The following COL25A1 variants were observed in gnomAD, a reference collection of about 807,000 sequenced individuals.
COL25A1 encodes collagen type XXV alpha 1 chain, also known as collagen alpha-1(XXV) chain.
In COL25A1, 103 loss-of-function variants were observed where a neutral mutation model predicts 128.4. That is an observed-to-expected ratio of 0.80 (90% confidence interval 0.68 to 0.94). COL25A1 has a LOEUF of 0.94. Ranked by LOEUF, COL25A1 falls within the 40% of genes least tolerant of loss-of-function variation. The probability of loss-of-function intolerance (pLI) is 0.00; values close to 1 mark genes in which losing one functional copy is unlikely to be tolerated. For missense variants in COL25A1, 745 were observed against 840.0 expected (o/e 0.89, Z 1.40); for synonymous variants, 279 against 277.2 (o/e 1.01, Z -0.06).
chr4:109,181,493 A>C (rs1774624969), intron 3 of COL25A1, among the ~76,000 whole-genome samples: 2 of 152,146 alleles, frequency 1.3e-5, no homozygotes, highest in African/African-American at 4.8e-5. Context: ...TATATATTTA[A>C]AAATATTGCT....
At chr4:108,905,898 G>T (rs978000571) in intron 13 of COL25A1, among the ~76,000 whole-genome samples, 1 of 151,946 alleles carries the variant, frequency 6.6e-6, no homozygotes, top group Non-Finnish European at 1.5e-5. Flanking sequence ...GCAAGCTCTG[G>T]CTCGGGACAG....
chr4:109,092,594 C>T (rs1467010386), intron 3 of COL25A1, among the ~76,000 whole-genome samples: 1 of 152,262 alleles, frequency 6.6e-6, no homozygotes, highest in Non-Finnish European at 1.5e-5. Context: ...CCTTCTTACT[C>T]TCTTAGAAGT....
intron 6 of COL25A1, among the ~76,000 whole-genome samples, chr4:108,993,341 G>A (rs1754414594): frequency 6.6e-6 from 1 of 152,126 alleles, no homozygotes. Context: ...GTTCATCCAT[G>A]TTGTTGCAAA....
chr4:109,166,794 T>C (rs191102134), intron 3 of COL25A1, among the ~76,000 whole-genome samples: 2 of 152,326 alleles, frequency 1.3e-5, no homozygotes, highest in Non-Finnish European at 1.5e-5. Context: ...ATGAATCTAA[T>C]ATACAAATTA....
chr4:108,838,045 G>A, intron 31 of COL25A1: 1 of 1,255,240 alleles, frequency 8.0e-7, no homozygotes, highest in Non-Finnish European at 1.1e-6. Context: ...ATCATGTAGG[G>A]TAGAAAGAAA....
At chr4:108,975,454 C>CA (rs1752347942) in intron 6 of COL25A1, among the ~76,000 whole-genome samples, 1 of 152,124 alleles carries the variant, frequency 6.6e-6, no homozygotes, top group African/African-American at 2.4e-5. Flanking sequence ...AGACTGTCTC[C>CA]AAAAACAGTG....
intron 3 of COL25A1, among the ~76,000 whole-genome samples, chr4:109,058,442 G>GA: frequency 6.6e-6 from 1 of 152,020 alleles, no homozygotes; most frequent in East Asian, 1.9e-4. Flanking sequence ...CAAGCTTGCA[G>GA]AAAAATATTT....
At chr4:109,232,375 T>C (rs767437878) in intron 3 of COL25A1, among the ~76,000 whole-genome samples, 3 of 152,158 alleles carry the variant, frequency 2.0e-5, no homozygotes, top group Non-Finnish European at 4.4e-5. Flanking sequence ...AGATATTGAA[T>C]GAGAAAATAC....
At chr4:109,087,194 A>G (rs1042932482) in intron 3 of COL25A1, among the ~76,000 whole-genome samples, 1 of 152,080 alleles carries the variant, frequency 6.6e-6, no homozygotes, top group African/African-American at 2.4e-5. Flanking sequence ...GCCCTCAACA[A>G]TGTGACTGTT....
chr4:109,288,963 AC>A (rs1724174836), intron 3 of COL25A1, among the ~76,000 whole-genome samples: 1 of 5,090 alleles, frequency 2.0e-4, no homozygotes, highest in African/African-American at 3.3e-4. Flanking sequence ...AATTATATAT[AC>A]ACACACACAC....
At chr4:108,991,763 A>T (rs1485015386) in intron 6 of COL25A1, among the ~76,000 whole-genome samples, 1 of 152,174 alleles carries the variant, frequency 6.6e-6, no homozygotes, top group Non-Finnish European at 1.5e-5. Context: ...ATATGATCTG[A>T]AAAAGGCTGG....
At chr4:108,957,456 G>A (rs189116556) in intron 8 of COL25A1, among the ~76,000 whole-genome samples, 2 of 152,248 alleles carry the variant, frequency 1.3e-5, no homozygotes, top group Admixed American at 1.3e-4. Context: ...GAGCTTCAGT[G>A]TTTCTATAAA....
chr4:109,209,047 G>A (rs989118522), intron 3 of COL25A1, among the ~76,000 whole-genome samples: 2 of 152,138 alleles, frequency 1.3e-5, no homozygotes, highest in Non-Finnish European at 2.9e-5. Context: ...GACAAAGAAT[G>A]TTATGTAGGG....
chr4:109,088,440 G>A (rs1579326047), intron 3 of COL25A1, among the ~76,000 whole-genome samples: 1 of 152,302 alleles, frequency 6.6e-6, no homozygotes, highest in East Asian at 1.9e-4. Flanking sequence ...ATTTAGAATT[G>A]TATAAATTTA....
At chr4:108,899,051 C>G in intron 15 of COL25A1, 103 bp downstream of exon 15, 1 of 1,068,226 alleles carries the variant, frequency 9.4e-7, no homozygotes, top group Non-Finnish European at 1.4e-6. Context: ...ACCCACCCAT[C>G]CATCCACCCA....
At chr4:108,845,343 G>T (rs1734963012) in intron 28 of COL25A1, 92 bp from the exon 29 acceptor site, 2 of 973,070 alleles carry the variant, frequency 2.1e-6, no homozygotes, top group South Asian at 1.3e-5. Context: ...TTGTTCTCTT[G>T]ACATTTTATA....
intron 31 of COL25A1, among the ~76,000 whole-genome samples, chr4:108,833,696 G>T (rs997397852): frequency 1.3e-5 from 2 of 152,130 alleles, no homozygotes; most frequent in African/African-American, 4.8e-5. Flanking sequence ...AGAATTCAGA[G>T]TTTTAAATTC....
chr4:108,889,636 GT>G, intron 17 of COL25A1, 64 bp downstream of exon 17: 1 of 1,399,678 alleles, frequency 7.1e-7, no homozygotes, highest in South Asian at 1.2e-5. Flanking sequence ...GGGAGAGAAA[GT>G]AGAGGCCTAT....
intron 3 of COL25A1, among the ~76,000 whole-genome samples, chr4:109,196,117 G>A (rs1027021102): frequency 2.6e-5 from 4 of 152,156 alleles, no homozygotes; most frequent in South Asian, 2.1e-4. Context: ...TTCTCTGTGC[G>A]CTGTACACAA....
Sources: gnomAD v4.1 joint callset for allele counts (sites outside exome capture counted in the v4.1 genomes callset) on GRCh38, gnomAD v4.1.1 for gene constraint, MANE v1.5 for transcripts, NCBI Gene and HGNC (gene_info 2026-07-23, HGNC 2026-07-21) for gene names.